VAV2: variants seen among roughly 807,000 people sequenced by gnomAD.
VAV2 encodes the protein guanine nucleotide exchange factor VAV2.
VAV2 carries 67 observed loss-of-function variants against 132.5 expected under a neutral mutation model. The observed-to-expected ratio is 0.51, with a 90% confidence interval of 0.42 to 0.62. VAV2 has a LOEUF of 0.62. VAV2 is among the 20% of genes least tolerant of loss of function. The pLI, the probability that VAV2 is intolerant of heterozygous loss-of-function variation, is 0.00. For missense variants in VAV2, 938 were observed against 1,153.6 expected (o/e 0.81, Z 2.71); for synonymous variants, 492 against 443.5 (o/e 1.11, Z -1.37).
intron 2 of VAV2, among the ~76,000 whole-genome samples, chr9:133,882,672 C>T (rs79014912): frequency 0.025 from 3,851 of 152,234 alleles, 70 homozygotes; most frequent in African/African-American, 0.046. Flanking sequence ...GAATAAATCC[C>T]CCTTGTTTTG....
chr9:133,856,667 G>A (rs1040919283), intron 3 of VAV2, among the ~76,000 whole-genome samples: 7 of 152,196 alleles, frequency 4.6e-5, no homozygotes, highest in African/African-American at 7.2e-5. Context: ...AGTCTGAAGC[G>A]GGTCTTAGGG....
chr9:133,790,269 C>T (rs564004871), intron 13 of VAV2, among the ~76,000 whole-genome samples: 15 of 152,180 alleles, frequency 9.9e-5, no homozygotes, highest in African/African-American at 1.4e-4. Flanking sequence ...CTCTGCCTCC[C>T]GGGTTCAAGA....
rs977417008 is a variant in VAV2 at position 133,812,171 on chromosome 9, C to T, written c.495G>A (p.Glu165=). The T allele has an allele frequency of 6.2e-7, 1 of 1,614,026 alleles. No individual in the cohort carries two copies. The highest frequency in any genetic ancestry group is 1.3e-5 in the African/African-American group (1 of 75,058). The change falls in exon 5 of 30, where the codon GAG becomes GAA. Residue 165 remains glutamate, a synonymous_variant. Transcript: ENST00000371850. ...CCTCGTAGATGTCGTCCCCTCCATC[C>T]TCACACGGGACGCAGTCGTAGATGT... is the stretch of plus-strand genomic sequence containing the variant. ...GEDIYDCVPC[E]DGGDDIYEDI... is the part of the protein sequence containing the mutation.
chr9:133,902,544 G>A (rs897512965), intron 2 of VAV2, among the ~76,000 whole-genome samples: 1 of 152,232 alleles, frequency 6.6e-6, no homozygotes, highest in Non-Finnish European at 1.5e-5. Context: ...GTGCTGGGGT[G>A]CAGGCTGCAG....
intron 2 of VAV2, among the ~76,000 whole-genome samples, chr9:133,900,770 T>TATTG (rs1164949979): frequency 3.7e-4 from 8 of 21,528 alleles, no homozygotes; most frequent in African/African-American, 6.6e-4. Context: ...TGTCTTGATT[T>TATTG]ATTTATTTAT....
chr9:133,893,461 AGGT>A (rs1839063520), intron 2 of VAV2, among the ~76,000 whole-genome samples: 1 of 152,174 alleles, frequency 6.6e-6, no homozygotes, highest in Non-Finnish European at 1.5e-5. Flanking sequence ...TGGGGTCCTC[AGGT>A]GGCAAGGGAC....
rs752974190 is a variant in VAV2 at position 133,919,601 on chromosome 9, G to T, written c.321+19502C>A. ...GCCACCAGGACACCGGGTTTTTCCTGAACATTCCTCCCATCTTGGGAGAGA... is the reference window on the plus strand; with the variant it reads ...GCCACCAGGACACCGGGTTTTTCCTTAACATTCCTCCCATCTTGGGAGAGA... On this transcript the variant is annotated intron_variant, in intron 2 of 29. Coordinates refer to ENST00000371850, the MANE Select transcript of VAV2 (RefSeq NM_001134398.2). This position sits in a 1 kb window ranked among gnomAD's most constrained non-coding sequence, Gnocchi z 5.8. Among the ~76,000 whole-genome samples, 5 of 152,200 alleles carry T rather than the reference G, an allele frequency of 3.3e-5. No homozygotes were observed. The highest frequency in any genetic ancestry group is 7.3e-5 in the Non-Finnish European group (5 of 68,036).
At chr9:133,982,746 A>T (rs1433516945) in intron 1 of VAV2, among the ~76,000 whole-genome samples, 6 of 152,224 alleles carry the variant, frequency 3.9e-5, no homozygotes, top group Admixed American at 6.5e-5. Context: ...AAGCTAAGAA[A>T]GGTTTTTACG....
intron 1 of VAV2, among the ~76,000 whole-genome samples, chr9:133,978,257 C>A (rs533860780): frequency 6.6e-6 from 1 of 152,296 alleles, no homozygotes; most frequent in East Asian, 1.9e-4. Flanking sequence ...GGCTGGGGGA[C>A]CCTCTCCTAC....
chr9:133,870,954 A>G (rs1259668474), intron 2 of VAV2, among the ~76,000 whole-genome samples: 2 of 7,186 alleles, frequency 2.8e-4, no homozygotes, highest in Admixed American at 2.0e-3. Context: ...GCAGATGGGT[A>G]GACGGGTGGG....
chr9:133,955,610 CACTCCT>C, intron 1 of VAV2, among the ~76,000 whole-genome samples: 1 of 32,330 alleles, frequency 3.1e-5, no homozygotes. Flanking sequence ...CCCACACCCC[CACTCCT>C]CCCCCCTCCC....
At chr9:133,873,782 T>C (rs754042801) in intron 2 of VAV2, among the ~76,000 whole-genome samples, 1 of 152,182 alleles carries the variant, frequency 6.6e-6, no homozygotes, top group Non-Finnish European at 1.5e-5. Context: ...CTGGTCCAAA[T>C]TCTCCAATTT....
chr9:133,967,603 C>G (rs1174509842), intron 1 of VAV2, among the ~76,000 whole-genome samples: 1 of 152,076 alleles, frequency 6.6e-6, no homozygotes, highest in East Asian at 1.9e-4. Flanking sequence ...AACTAGAGGT[C>G]ATTGTTAAGT....
In VAV2 at chr9:133,933,049, T is replaced by C. The variant is rs1840742321; in HGVS notation, c.321+6054A>G. Among the ~76,000 whole-genome samples the C allele has an allele frequency of 2.6e-5, 4 of 152,228 alleles. 1 individual carries two copies. The South Asian group carries it at 8.3e-4, about 31-fold the overall frequency. ...GCCCTTAAGCAGCAAGTGAGGGCCA[T>C]GAGCAGGGAAAACACTGGTCAAACC... On this transcript the variant is annotated intron_variant, in intron 2 of 29. Transcript: ENST00000371850.
chr9:133,808,893 G>C, intron 7 of VAV2, 147 bp downstream of exon 7: 1 of 694,854 alleles, frequency 1.4e-6, no homozygotes, highest in Non-Finnish European at 2.3e-6. Context: ...GGTACCTGGA[G>C]GCAGAGCTGG....
chr9:133,791,335 G>A (rs1183548931), intron 13 of VAV2, among the ~76,000 whole-genome samples: 3 of 152,158 alleles, frequency 2.0e-5, no homozygotes, highest in Non-Finnish European at 4.4e-5. Context: ...CGGCCCCACC[G>A]AGCCTGGGCC....
chr9:133,774,726 G>A (rs1175324384), intron 25 of VAV2, among the ~76,000 whole-genome samples: 1 of 152,176 alleles, frequency 6.6e-6, no homozygotes, highest in Non-Finnish European at 1.5e-5. Flanking sequence ...TGGACCATCT[G>A]TGCATGCCAG....
At chr9:133,948,675 G>C (rs955791252) in intron 1 of VAV2, among the ~76,000 whole-genome samples, 16 of 152,362 alleles carry the variant, frequency 1.1e-4, no homozygotes, top group African/African-American at 3.8e-4. Flanking sequence ...AGCATTCTCA[G>C]TCTCACTAAC....
Position 133,788,429 on chromosome 9 carries a change from G to C in VAV2, c.1332C>G (p.Tyr444Ter), listed in dbSNP as rs56296048. 1 of 1,612,722 alleles carries C rather than the reference G, an allele frequency of 6.2e-7. No homozygotes were observed. The highest frequency in any genetic ancestry group is 1.3e-5 in the African/African-American group (1 of 74,884). ...VIVCKRKGYS[Y>*]ELKEIIELLF... Reference sequence around the variant, plus strand: ...GCAGCTCGATGATCTCCTTGAGCTCGTAGCTGTAGCCCTTCCGCTTGCAGA... The same window carrying C: ...GCAGCTCGATGATCTCCTTGAGCTCCTAGCTGTAGCCCTTCCGCTTGCAGA... The change falls in exon 15 of 30, where the codon TAC becomes TAG. Residue 444 changes from tyrosine to a stop codon, truncating the protein, a stop_gained. Coordinates refer to ENST00000371850, the MANE Select transcript of VAV2 (RefSeq NM_001134398.2). LOFTEE classifies it high-confidence loss of function. This position sits in a 1 kb window ranked among gnomAD's most constrained non-coding sequence, Gnocchi z 5.3.
Sources: allele counts gnomAD v4.1 joint callset (sites outside exome capture counted in the v4.1 genomes callset), GRCh38; gene constraint gnomAD v4.1.1; non-coding constraint Gnocchi (gnomAD v3.1); transcripts MANE v1.5; gene names NCBI Gene and HGNC (gene_info 2026-07-23, HGNC 2026-07-21).